ABCG1: variants seen among roughly 807,000 people sequenced by gnomAD.
The protein encoded by ABCG1 is ATP-binding cassette sub-family G member 1.
A neutral mutation model predicts 69.2 loss-of-function variants in ABCG1; 29 were observed. That is an observed-to-expected ratio of 0.42 (90% confidence interval 0.31 to 0.57). ABCG1 has a LOEUF of 0.57. ABCG1 is among the 20% of genes least tolerant of loss of function. ABCG1 has a pLI of 0.15. For synonymous variants in ABCG1, 370 were observed against 374.8 expected, an observed-to-expected ratio of 0.99 and a Z score of 0.15; for missense variants, 718 against 898.1, an observed-to-expected ratio of 0.80 and a Z score of 2.56.
intron 2 of ABCG1, among the ~76,000 whole-genome samples, chr21:42,227,839 GGA>G (rs147610335): frequency 2.0e-5 from 3 of 150,512 alleles, no homozygotes; most frequent in Middle Eastern, 3.5e-3. Context: ...TGGGGTGAGG[GGA>G]GAGAGAGAGA....
chr21:42,286,716 G>C (rs1168058610), intron 8 of ABCG1, among the ~76,000 whole-genome samples: 1 of 152,218 alleles, frequency 6.6e-6, no homozygotes, highest in Non-Finnish European at 1.5e-5. Flanking sequence ...CTGCATGGAG[G>C]TGAGAACCTG....
intron 2 of ABCG1, among the ~76,000 whole-genome samples, chr21:42,270,294 T>G (rs2068593388): frequency 6.7e-6 from 1 of 149,226 alleles, no homozygotes; most frequent in South Asian, 2.1e-4. Flanking sequence ...GCCCCTGGAT[T>G]GGGAGACATT....
intron 1 of ABCG1, among the ~76,000 whole-genome samples, chr21:42,223,016 G>A (rs370380213): frequency 3.9e-4 from 60 of 152,146 alleles, no homozygotes; most frequent in East Asian, 1.5e-3. Context: ...TTATTCCCTC[G>A]GGGCTCCCCA....
At chr21:42,221,234 C>T (rs1355679104) in intron 1 of ABCG1, 1 of 152,128 alleles carries the variant, frequency 6.6e-6, no homozygotes. Context: ...AGAGTTAGGC[C>T]CCGGCTAGTC....
chr21:42,253,007 C>T (rs1348281712), intron 2 of ABCG1, among the ~76,000 whole-genome samples: 2 of 152,144 alleles, frequency 1.3e-5, no homozygotes, highest in Non-Finnish European at 1.5e-5. Context: ...AGGAGAGACT[C>T]GCCTTCCCAG....
intron 2 of ABCG1, among the ~76,000 whole-genome samples, chr21:42,252,222 G>A (rs751457058): frequency 3.3e-5 from 5 of 152,186 alleles, no homozygotes; most frequent in African/African-American, 7.2e-5. Context: ...ATAAGACCTC[G>A]TGGTTGCCAG....
At chr21:42,269,731 G>A (rs60126243) in intron 2 of ABCG1, among the ~76,000 whole-genome samples, 2 of 152,140 alleles carry the variant, frequency 1.3e-5, no homozygotes, top group Non-Finnish European at 2.9e-5. Context: ...GGCATTTTCC[G>A]GTGTCCTATC....
chr21:42,286,195 C>T, intron 8 of ABCG1: 1 of 541,958 alleles, frequency 1.8e-6, no homozygotes, highest in South Asian at 2.1e-5. Flanking sequence ...TCTGGCCAGC[C>T]TGTCTCTGCC....
chr21:42,236,973 A>C (rs146788097), intron 2 of ABCG1, among the ~76,000 whole-genome samples: 1 of 152,330 alleles, frequency 6.6e-6, no homozygotes, highest in Non-Finnish European at 1.5e-5. Context: ...AGACCTGCGA[A>C]TGAGTTTGTC....
At chr21:42,268,880 G>A (rs992931350) in intron 2 of ABCG1, among the ~76,000 whole-genome samples, 3 of 152,310 alleles carry the variant, frequency 2.0e-5, no homozygotes, top group Middle Eastern at 3.4e-3. Context: ...ATTGCAGCCT[G>A]TATGTGCTTC....
At chr21:42,265,788 G>A (rs11701502) in intron 2 of ABCG1, among the ~76,000 whole-genome samples, 2 of 152,214 alleles carry the variant, frequency 1.3e-5, no homozygotes, top group African/African-American at 4.8e-5. Context: ...CCGCAGGCTG[G>A]GATGGCCTGG....
chr21:42,271,605 G>C (rs2068618916), intron 3 of ABCG1, among the ~76,000 whole-genome samples: 1 of 152,210 alleles, frequency 6.6e-6, no homozygotes, highest in Non-Finnish European at 1.5e-5. Context: ...GTTTGAGCCG[G>C]GTGTGGTGGC....
At chr21:42,227,212 G>C (rs1192730161) in intron 2 of ABCG1, among the ~76,000 whole-genome samples, 1 of 152,184 alleles carries the variant, frequency 6.6e-6, no homozygotes, top group Non-Finnish European at 1.5e-5. Flanking sequence ...TGTGATACTT[G>C]CATTTTCAGA....
At chr21:42,235,382 C>A (rs2067965178) in intron 2 of ABCG1, among the ~76,000 whole-genome samples, 1 of 152,180 alleles carries the variant, frequency 6.6e-6, no homozygotes, top group African/African-American at 2.4e-5. Context: ...CAGTTTAAAT[C>A]AGAGAGGTGT....
chr21:42,285,947 G>A lies in ABCG1; in HGVS notation c.926G>A (p.Arg309Lys). ...GTCTGCAATCTTGTGCCATATTTGA[G>A]GGATTTGGGTCTGAACTGCCCAACC... ...GKVCNLVPYL[R>K]DLGLNCPTYH... The change falls in exon 8 of 15, where the codon AGG (arginine) becomes AAG (lysine). Residue 309 changes from arginine (R) to lysine (K), a missense_variant. This residue lies in a region of ABCG1 where 514 missense variants were observed against 574.3 expected (regional missense o/e 0.90). Transcript: ENST00000398449. The A allele has an allele frequency of 6.2e-7, 1 of 1,614,094 alleles. No homozygotes were observed. Among genetic ancestry groups the A allele is most frequent in the Non-Finnish European group, 8.5e-7 (1 of 1,180,014 alleles).
In ABCG1 at chr21:42,291,284, G is replaced by C; in HGVS notation, c.1494+92G>C. ...GTAAGAGGACCTGCCAGGGATGCAG[G>C]GTGACATGGCCCGACTTCGGGAGCT... On this transcript the variant is annotated intron_variant, in intron 12 of 14. Coordinates refer to ENST00000398449, the MANE Select transcript of ABCG1 (RefSeq NM_016818.3). This position sits in a 1 kb window ranked among gnomAD's most constrained non-coding sequence, Gnocchi z 6.4. 8.1e-7 allele frequency: 1 copy of C among 1,239,312 alleles called. No individual in the cohort carries two copies. Among genetic ancestry groups the C allele is most frequent in the Non-Finnish European group, 1.2e-6 (1 of 863,982 alleles). The allele number at this position is 1,239,312 out of a possible 1,614,324, so 76.8% of individuals were successfully genotyped here. A position where few individuals can be genotyped will look rare whatever the true frequency, so the allele number is the denominator to read the frequency against.
At chr21:42,205,072 G>T (rs1240443736) in intron 2 of ABCG1, among the ~76,000 whole-genome samples, 9 of 150,864 alleles carry the variant, frequency 6.0e-5, no homozygotes, top group African/African-American at 2.2e-4. Flanking sequence ...ATAGTTATGA[G>T]ACTATTCAAA....
intron 1 of ABCG1, among the ~76,000 whole-genome samples, chr21:42,200,664 C>G (rs982539663): frequency 3.3e-5 from 5 of 150,570 alleles, no homozygotes; most frequent in Non-Finnish European, 1.5e-5. Context: ...TCTCGGCTCA[C>G]TGCACCCTCT....
Position 42,269,260 on chromosome 21 carries a change from G to C in ABCG1, c.287-1810G>C, listed in dbSNP as rs943720709. 2.0e-5 allele frequency among the ~76,000 whole-genome samples: 3 copies of C among 152,166 alleles called. No individual in the cohort carries two copies. The East Asian group carries it at 5.8e-4, about 29-fold the overall frequency. Reference sequence around the variant, plus strand: ...TCTTGGGGATATCGCGTGGGTCCCCGGGGGCCTGGGTGCCCGAAGTGCCGC... The same window carrying C: ...TCTTGGGGATATCGCGTGGGTCCCCCGGGGCCTGGGTGCCCGAAGTGCCGC... On this transcript the variant is annotated intron_variant, in intron 2 of 14. Coordinates refer to ENST00000398449, the MANE Select transcript of ABCG1 (RefSeq NM_016818.3).
Sources: allele counts gnomAD v4.1 joint callset (sites outside exome capture counted in the v4.1 genomes callset), GRCh38; gene constraint gnomAD v4.1.1; regional missense constraint gnomAD v4.1.1; non-coding constraint Gnocchi (gnomAD v3.1); transcripts MANE v1.5; gene names NCBI Gene and HGNC (gene_info 2026-07-23, HGNC 2026-07-21).